Variants in C2orf92 observed in about 807,000 individuals in gnomAD.
C2orf92 encodes chromosome 2 open reading frame 92.
chr2:97,672,895 A>G (rs1051311734), intron 1 of C2orf92, among the ~76,000 whole-genome samples: 9 of 152,178 alleles, frequency 5.9e-5, no homozygotes, highest in Non-Finnish European at 1.2e-4. Context: ...CTGAGAATGC[A>G]GGATGAGTGG....
intron 3 of C2orf92, among the ~76,000 whole-genome samples, chr2:97,679,133 C>G (rs545043732): frequency 4.0e-5 from 6 of 151,388 alleles, no homozygotes; most frequent in Non-Finnish European, 7.4e-5. Flanking sequence ...GAGAGCCCTT[C>G]AGGCTGAGAT....
chr2:97,671,813 C>T (rs947436033), intron 1 of C2orf92: 3 of 268,602 alleles, frequency 1.1e-5, no homozygotes, highest in Non-Finnish European at 2.1e-5. Context: ...CAAAGCCGAG[C>T]TGAACCTCCT....
intron 1 of C2orf92, among the ~76,000 whole-genome samples, chr2:97,672,744 A>G (rs1463454579): frequency 6.6e-6 from 1 of 152,138 alleles, no homozygotes; most frequent in East Asian, 1.9e-4. Flanking sequence ...GTAGGTCAGC[A>G]TGGTCATCAA....
In C2orf92 at chr2:97,675,902, G is replaced by A. The variant is rs1480758020; in HGVS notation, c.206G>A (p.Arg69Gln). 3.5e-5 allele frequency: 14 copies of A among 398,840 alleles called. No individual in the cohort carries two copies. The highest frequency in any genetic ancestry group is 4.4e-5 in the Non-Finnish European group (10 of 226,082). 24.7% of individuals were successfully genotyped at this position (398,840 alleles called of 1,614,324 possible). ...NAAFASGSNEREEHLAKIFDE... is the reference protein window; with the variant it reads ...NAAFASGSNEQEEHLAKIFDE... ...GCATTTGCATCAGGTTCAAATGAGC[G>A]AGAGGAACATTTGGCTAAAATATTT... Residue 69 changes from arginine to glutamine, a missense_variant, in exon 3 of 8, where the codon CGA (arginine) becomes CAA (glutamine). By Grantham distance (43) the Arg-to-Gln change is conservative. Coordinates refer to ENST00000627399, the MANE Select transcript of C2orf92 (RefSeq NM_001351368.2).
At chr2:97,689,166 C>T (rs761317845) in intron 4 of C2orf92, among the ~76,000 whole-genome samples, 173 bp downstream of exon 4, 27 of 152,308 alleles carry the variant, frequency 1.8e-4, no homozygotes, top group Middle Eastern at 6.8e-3. Flanking sequence ...ACCTTCCACT[C>T]ACTATGGAAT....
intron 3 of C2orf92, among the ~76,000 whole-genome samples, chr2:97,680,525 C>A (rs1387580858): frequency 2.0e-5 from 3 of 152,124 alleles, no homozygotes; most frequent in Non-Finnish European, 4.4e-5. Flanking sequence ...CAAAAGAGAG[C>A]TGAGGTGGCT....
chr2:97,690,509 T>G (rs1676094989), intron 5 of C2orf92, among the ~76,000 whole-genome samples, 182 bp downstream of exon 5: 1 of 151,690 alleles, frequency 6.6e-6, no homozygotes, highest in Non-Finnish European at 1.5e-5. Flanking sequence ...GCCTCCCAAG[T>G]AGCTGTGACT....
intron 3 of C2orf92, among the ~76,000 whole-genome samples, chr2:97,688,609 C>T (rs938282431): frequency 6.6e-6 from 1 of 152,116 alleles, no homozygotes; most frequent in Non-Finnish European, 1.5e-5. Context: ...ACAACAGAAA[C>T]CAGAAGAGTT....
chr2:97,681,894 A>G (rs1559300305), intron 3 of C2orf92, among the ~76,000 whole-genome samples: 1 of 152,118 alleles, frequency 6.6e-6, no homozygotes. Flanking sequence ...AAATAACCTA[A>G]TTGTACACCT....
intron 5 of C2orf92, among the ~76,000 whole-genome samples, chr2:97,694,245 T>C (rs572326027): frequency 6.6e-6 from 1 of 151,596 alleles, no homozygotes; most frequent in Non-Finnish European, 1.5e-5. Flanking sequence ...TCTTTCTTTC[T>C]TTCTTTTTTT....
chr2:97,664,906 A>G (rs996629163), upstream of C2orf92, among the ~76,000 whole-genome samples: 16 of 152,204 alleles, frequency 1.1e-4, no homozygotes, highest in Admixed American at 3.3e-4. Context: ...CACTGAAGAA[A>G]AGATCCTTTT....
upstream of C2orf92, among the ~76,000 whole-genome samples, chr2:97,666,460 C>G (rs992356024): frequency 1.3e-4 from 19 of 149,946 alleles, no homozygotes; most frequent in Non-Finnish European, 2.4e-4. Context: ...TCGCTTGAAC[C>G]CAGGAGGCGG....
chr2:97,690,297 C>T lies in C2orf92; in HGVS notation c.373C>T (p.Leu125Phe). Residue 125 changes from leucine to phenylalanine, a missense_variant, in exon 5 of 8, where the codon CTT (leucine) becomes TTT (phenylalanine). Transcript: ENST00000627399. ...GAATTCTCCTAAACCAGAATATTTC[C>T]TTGGCAGTGTGGACAAAATTCCTGA... ...AWNSPKPEYFLGSVDKIPDKD... is the reference protein window; with the variant it reads ...AWNSPKPEYFFGSVDKIPDKD... 1 of 398,966 alleles carries T rather than the reference C, an allele frequency of 2.5e-6. No individual in the cohort carries two copies. Among genetic ancestry groups the T allele is most frequent in the Non-Finnish European group, 4.4e-6 (1 of 226,032 alleles). 24.7% of individuals were successfully genotyped at this position (398,966 alleles called of 1,614,324 possible). A position where few individuals can be genotyped will look rare whatever the true frequency, so the allele number is the denominator to read the frequency against.
rs941236839 is a variant in C2orf92, at chr2:97,682,978, C to CA, written c.233-5909dup. 8.7e-5 allele frequency among the ~76,000 whole-genome samples: 13 copies of CA among 150,018 alleles called. No homozygotes were observed. The South Asian group carries it at 1.3e-3, about 15-fold the overall frequency. On this transcript the variant is annotated intron_variant, in intron 3 of 7. Transcript: ENST00000627399. ...GGAAGTCATAGCCAGAGTCATTAGG[C>CA]AAAAAAAAGAAATGAGGCATCCAAA...
chr2:97,688,816 A>G, intron 3 of C2orf92, 79 bp from the exon 4 acceptor site: 2 of 398,170 alleles, frequency 5.0e-6, no homozygotes, highest in South Asian at 1.3e-4. Context: ...GTATTCATAG[A>G]CTGCTTTAGG....
Position 97,680,769 on chromosome 2 carries a change from A to G in C2orf92, c.232+4841A>G, listed in dbSNP as rs543080383. 1.0e-3 allele frequency among the ~76,000 whole-genome samples: 159 copies of G among 152,244 alleles called. 1 individual carries two copies. Among genetic ancestry groups the G allele is most frequent in the African/African-American group, 3.7e-3 (152 of 41,540 alleles). ...GTGAAACCCCATCTCTACTAAAAAT[A>G]CAAAAAATTAGCCAGGCGTGGTGGT... On this transcript the variant is annotated intron_variant, in intron 3 of 7. Coordinates refer to ENST00000627399, the MANE Select transcript of C2orf92 (RefSeq NM_001351368.2).
At chr2:97,666,143 G>A (rs1056680418), upstream of C2orf92, among the ~76,000 whole-genome samples, 2 of 152,010 alleles carry the variant, frequency 1.3e-5, no homozygotes, top group Non-Finnish European at 2.9e-5. Context: ...TTTTGTTGTT[G>A]TAGGATTTTG....
chr2:97,667,136 A>G (rs969274202), upstream of C2orf92: 3 of 152,242 alleles, frequency 2.0e-5, no homozygotes, highest in East Asian at 3.8e-4. Flanking sequence ...AGAGAGTGCT[A>G]TATAATTTCA....
intron 3 of C2orf92, among the ~76,000 whole-genome samples, chr2:97,688,253 A>G (rs957380460): frequency 4.0e-5 from 6 of 151,856 alleles, no homozygotes; most frequent in African/African-American, 1.5e-4. Flanking sequence ...AGCTCCTGTT[A>G]CATCAAGCGA....
Sources: gnomAD v4.1 joint callset for allele counts (sites outside exome capture counted in the v4.1 genomes callset) on GRCh38, gnomAD v4.1.1 for gene constraint, MANE v1.5 for transcripts, NCBI Gene and HGNC (gene_info 2026-07-23, HGNC 2026-07-21) for gene names.